ATG7: variants seen among roughly 807,000 people sequenced by gnomAD.
ATG7 encodes the protein ubiquitin-like modifier-activating enzyme ATG7.
In ATG7, 70 loss-of-function variants were observed where a neutral mutation model predicts 82.4. That is an observed-to-expected ratio of 0.85 (90% CI 0.70 to 1.04). ATG7 has a LOEUF of 1.04. Ranked by LOEUF, ATG7 falls within the 50% of genes least tolerant of loss-of-function variation. The pLI is 0.00. For synonymous variants in ATG7, 287 were observed against 313.0 expected, an observed-to-expected ratio of 0.92 and a Z score of 0.88; for missense variants, 792 against 864.3, an observed-to-expected ratio of 0.92 and a Z score of 1.05.
chr3:11,441,670 A>G (rs12163595), intron 20 of ATG7, among the ~76,000 whole-genome samples: 1 of 110,254 alleles, frequency 9.1e-6, no homozygotes, highest in African/African-American at 3.5e-5. Flanking sequence ...TTTTTTTTTA[A>G]TTTTTTTTTT....
chr3:11,515,174 A>T (rs1315042385), intron 20 of ATG7, among the ~76,000 whole-genome samples: 1 of 152,042 alleles, frequency 6.6e-6, no homozygotes, highest in Non-Finnish European at 1.5e-5. Context: ...AGAAGATCTG[A>T]TAGAAGTTGA....
At chr3:11,539,597 TTGG>T (rs1170622198) in intron 20 of ATG7, among the ~76,000 whole-genome samples, 3 of 152,158 alleles carry the variant, frequency 2.0e-5, no homozygotes, top group Admixed American at 1.3e-4. Flanking sequence ...CTTTCCACCT[TTGG>T]TGGTTCTGAA....
chr3:11,564,935 C>T, the ATG7 span: 15 of 1,586,282 alleles, frequency 9.5e-6, no homozygotes, highest in Middle Eastern at 1.7e-4. Flanking sequence ...CGTGCAGGCT[C>T]ATGGTGGGGG....
chr3:11,405,744 C>T (rs1408585475), intron 19 of ATG7, among the ~76,000 whole-genome samples: 1 of 152,072 alleles, frequency 6.6e-6, no homozygotes. Context: ...TCTCCCACTT[C>T]AGCCTCCCAA....
intron 20 of ATG7, among the ~76,000 whole-genome samples, chr3:11,503,390 T>C (rs1207650246): frequency 1.3e-5 from 2 of 152,174 alleles, no homozygotes. Flanking sequence ...TAAGAACATA[T>C]AATATGTACA....
intron 19 of ATG7, among the ~76,000 whole-genome samples, chr3:11,416,019 C>T (rs1408898623): frequency 1.3e-5 from 2 of 152,178 alleles, no homozygotes; most frequent in Non-Finnish European, 1.5e-5. Flanking sequence ...AATTTTTCGG[C>T]TCCATTATAA....
chr3:11,332,875 C>A, intron 10 of ATG7, 97 bp from the exon 11 acceptor site: 2 of 1,239,366 alleles, frequency 1.6e-6, no homozygotes, highest in Non-Finnish European at 2.1e-6. Context: ...GCATTGAATT[C>A]TCTCCAACTG....
At chr3:11,362,033 A>C (rs546726338) in intron 16 of ATG7, among the ~76,000 whole-genome samples, 4 of 152,364 alleles carry the variant, frequency 2.6e-5, no homozygotes, top group African/African-American at 9.6e-5. Context: ...TTTATGGAGA[A>C]AGATGGCTTG....
intron 20 of ATG7, among the ~76,000 whole-genome samples, chr3:11,541,768 C>T (rs766346797): frequency 5.3e-5 from 8 of 152,192 alleles, no homozygotes; most frequent in African/African-American, 9.6e-5. Flanking sequence ...AGAGAACAAA[C>T]ATGTAAAAGT....
At chr3:11,289,622 A>G (rs1944627861) in intron 3 of ATG7, among the ~76,000 whole-genome samples, 1 of 152,222 alleles carries the variant, frequency 6.6e-6, no homozygotes, top group Admixed American at 6.5e-5. Flanking sequence ...TTGTGCAATC[A>G]TGGATCACTG....
intron 19 of ATG7, among the ~76,000 whole-genome samples, chr3:11,415,229 T>C (rs554605433): frequency 2.0e-5 from 3 of 152,312 alleles, no homozygotes; most frequent in South Asian, 2.1e-4. Flanking sequence ...TTTAAAATGG[T>C]ACACCTGTGC....
chr3:11,425,096 G>T (rs1166157798), intron 19 of ATG7, among the ~76,000 whole-genome samples: 2 of 152,056 alleles, frequency 1.3e-5, no homozygotes, highest in Non-Finnish European at 1.5e-5. Flanking sequence ...CCAAGTAGCT[G>T]GAATTACAGG....
At chr3:11,404,615 T>C (rs936147450) in intron 19 of ATG7, among the ~76,000 whole-genome samples, 1 of 152,092 alleles carries the variant, frequency 6.6e-6, no homozygotes, top group Non-Finnish European at 1.5e-5. Context: ...CTGTGCCATG[T>C]TGTATTAGTC....
At chr3:11,460,773 T>C (rs150961014) in intron 20 of ATG7, among the ~76,000 whole-genome samples, 1 of 152,306 alleles carries the variant, frequency 6.6e-6, no homozygotes, top group East Asian at 1.9e-4. Context: ...ATTATTCTTA[T>C]AAAGTACTGA....
chr3:11,369,970 A>G (rs1442744193), intron 18 of ATG7, among the ~76,000 whole-genome samples: 2 of 151,104 alleles, frequency 1.3e-5, no homozygotes, highest in Non-Finnish European at 3.0e-5. Context: ...GGCAGCTCTT[A>G]GCACTTGTCC....
At chr3:11,371,462 GAGT>G (rs1268951255) in intron 18 of ATG7, among the ~76,000 whole-genome samples, 1 of 151,036 alleles carries the variant, frequency 6.6e-6, no homozygotes, top group African/African-American at 2.4e-5. Context: ...GGTGTGATAT[GAGT>G]AGATTTGGTT....
At chr3:11,409,056 T>C (rs2080636896) in intron 19 of ATG7, among the ~76,000 whole-genome samples, 1 of 152,274 alleles carries the variant, frequency 6.6e-6, no homozygotes. Flanking sequence ...TAGTCCTTTA[T>C]TAAATGTGTC....
At chr3:11,349,621 G>C (rs932337230) in intron 14 of ATG7, among the ~76,000 whole-genome samples, 4 of 152,148 alleles carry the variant, frequency 2.6e-5, no homozygotes, top group African/African-American at 9.7e-5. Flanking sequence ...TGTTTTGTAA[G>C]TTGCACAGCA....
At chr3:11,363,105 G>A in intron 17 of ATG7, 177 bp downstream of exon 17, 1 of 576,026 alleles carries the variant, frequency 1.7e-6, no homozygotes, top group Non-Finnish European at 3.1e-6. Flanking sequence ...AACTTGGCAT[G>A]TTTCCTTTGT....
Sources: gnomAD v4.1 joint callset for allele counts (sites outside exome capture counted in the v4.1 genomes callset) on GRCh38, gnomAD v4.1.1 for gene constraint, MANE v1.5 for transcripts, NCBI Gene and HGNC (gene_info 2026-07-23, HGNC 2026-07-21) for gene names.